NEIL1: variants seen among roughly 807,000 people sequenced by gnomAD.
The protein encoded by NEIL1 is nei like DNA glycosylase 1, also known as endonuclease 8-like 1.
In NEIL1, 31 loss-of-function variants were observed where a neutral mutation model predicts 44.2. The observed-to-expected ratio is 0.70, with a 90% CI of 0.53 to 0.95. The LOEUF is 0.95. Ranked by LOEUF, NEIL1 falls within the 40% of genes least tolerant of loss-of-function variation. NEIL1 has a pLI of 0.00. For synonymous variants in NEIL1, 254 were observed against 209.7 expected (o/e 1.21, Z -1.83); for missense variants, 549 against 515.5 (o/e 1.07, Z -0.63).
intron 4 of NEIL1, 57 bp downstream of exon 4, chr15:75,352,444 G>A (rs890750947): frequency 2.1e-5 from 34 of 1,601,850 alleles, no homozygotes; most frequent in African/African-American, 1.1e-4. Flanking sequence ...CACATGGGCC[G>A]GCAAGGAGAT....
Position 75,349,183 on chromosome 15 carries a change from T to G in NEIL1, c.278T>G (p.Leu93Arg). The G allele has an allele frequency of 6.2e-7, 1 of 1,609,062 alleles. No individual in the cohort carries two copies. The highest frequency in any genetic ancestry group is 8.5e-7 in the Non-Finnish European group (1 of 1,179,906). Residue 93 changes from leucine to arginine, a missense_variant, in exon 2 of 10, where the codon CTG (leucine) becomes CGG (arginine). Physicochemically the swap from Leu to Arg is moderately radical, Grantham distance 102. Transcript: ENST00000355059. ...GSFQLVPREE[L>R]PRHAHLRFYT... ...TTTCAGCTGGTGCCCCGCGAGGAGC[T>G]GCCACGCCATGCCCACCTGCGCTTT...
chr15:75,351,026 G>A (rs2071845035), intron 2 of NEIL1, among the ~76,000 whole-genome samples: 1 of 152,134 alleles, frequency 6.6e-6, no homozygotes, highest in Admixed American at 6.5e-5. Context: ...CCTTGGAGGT[G>A]GGGTGGGGGC....
chr15:75,355,634 C>T lies in NEIL1; in HGVS notation c.*600C>T. On this transcript the variant is annotated 3_prime_UTR_variant, in exon 10 of 10. Transcript: ENST00000355059. ...ACTGGCTTTTGGTGGCTCGAGGTCC[C>T]CAGTCTCTCCTGTGGGGGCTGCAAC... is the stretch of plus-strand genomic sequence containing the variant. The T allele has an allele frequency of 2.4e-6, 1 of 409,598 alleles. No individual in the cohort carries two copies. The highest frequency in any genetic ancestry group is 4.4e-6 in the Non-Finnish European group (1 of 225,130). The allele number at this position is 409,598 out of a possible 1,614,324, so 25.4% of individuals were successfully genotyped here.
In NEIL1 at chr15:75,356,267, C is replaced by T. The variant is rs199912352; in HGVS notation, c.*1233C>T. ...GGAGGGGCCGAGGGCAGGCCCAGTT[C>T]GGAACCCCGTCCCCAGCACGTCCCA... is the stretch of plus-strand genomic sequence containing the variant. On this transcript the variant is annotated 3_prime_UTR_variant, in exon 10 of 10. Transcript: ENST00000355059. This position sits in a 1 kb window ranked among gnomAD's most constrained non-coding sequence, Gnocchi z 5.8. 17 of 1,611,070 alleles carry T rather than the reference C, an allele frequency of 1.1e-5. No homozygotes were observed. Among genetic ancestry groups the T allele is most frequent in the Non-Finnish European group, 1.3e-5 (15 of 1,178,540 alleles).
rs553956083 is a variant in NEIL1, at chr15:75,356,310, G to A, written c.*1276G>A. 14 of 1,611,580 alleles carry A rather than the reference G, an allele frequency of 8.7e-6. No homozygotes were observed. Among genetic ancestry groups the A allele is most frequent in the Admixed American group, 3.4e-5 (2 of 59,682 alleles). ...ACGTCCCACCCCTTGCCTGCTTGACGGTCTCCAATACGACCGCGGGTGAAG... is the reference window on the plus strand; with the variant it reads ...ACGTCCCACCCCTTGCCTGCTTGACAGTCTCCAATACGACCGCGGGTGAAG... On this transcript the variant is annotated 3_prime_UTR_variant, in exon 10 of 10. Coordinates refer to ENST00000355059, the MANE Select transcript of NEIL1 (RefSeq NM_024608.4). The surrounding 1 kb of genome is among the most constrained non-coding windows in gnomAD (Gnocchi z 5.8).
Position 75,354,463 on chromosome 15 carries a change from A to G in NEIL1, c.907A>G (p.Thr303Ala). ...GTCCCGCAAAAAGAAATCCAAGGCC[A>G]CACAGCTGAGTCCTGAGGACAGAGT... ...RKSRKKKSKATQLSPEDRVED... is the reference protein window; with the variant it reads ...RKSRKKKSKAAQLSPEDRVED... Residue 303 changes from threonine (T) to alanine (A), a missense_variant, in exon 8 of 10, where the codon ACA becomes GCA. Coordinates refer to ENST00000355059, the MANE Select transcript of NEIL1 (RefSeq NM_024608.4). 1 of 1,614,204 alleles carries G rather than the reference A, an allele frequency of 6.2e-7. No individual in the cohort carries two copies. The highest frequency in any genetic ancestry group is 1.1e-5 in the South Asian group (1 of 91,090).
intron 2 of NEIL1, chr15:75,351,891 A>G (rs2071921662): frequency 6.1e-6 from 3 of 489,720 alleles, no homozygotes; most frequent in Non-Finnish European, 1.1e-5. Context: ...CAAAGTGCTG[A>G]GATTACAGGC....
At chr15:75,354,224 C>G (rs771629893) in intron 6 of NEIL1, 26 bp from the exon 7 acceptor site, 2 of 1,613,962 alleles carry the variant, frequency 1.2e-6, no homozygotes, top group Non-Finnish European at 1.7e-6. Flanking sequence ...CAGGCTGATT[C>G]CTGAATTATC....
At chr15:75,354,880 G>A in intron 9 of NEIL1, 62 bp downstream of exon 9, 1 of 1,612,544 alleles carries the variant, frequency 6.2e-7, no homozygotes, top group Admixed American at 1.7e-5. Context: ...TGGTGGCCTA[G>A]GAGCGCGTGT....
rs944532939 is a variant in NEIL1 at position 75,357,007 on chromosome 15, C to T, written c.*1973C>T. The stretch of plus-strand genomic sequence containing the variant: ...GCCGAGCACAAGCTCTAGAACCACA[C>T]AACTGAACTCCAGCTCCCACTGTAC... On this transcript the variant is annotated 3_prime_UTR_variant, in exon 10 of 10. Transcript: ENST00000355059. 1.7e-5 allele frequency: 15 copies of T among 885,072 alleles called. No homozygotes were observed. Among genetic ancestry groups the T allele is most frequent in the Non-Finnish European group, 2.7e-5 (15 of 557,938 alleles). 54.8% of individuals were successfully genotyped at this position (885,072 alleles called of 1,614,324 possible). A position where few individuals can be genotyped will look rare whatever the true frequency, so the allele number is the denominator to read the frequency against.
Position 75,355,586 on chromosome 15 carries a change from G to A in NEIL1, c.*552G>A. ...CTTTACCTGCTGGCACAGGGGAGGGGCTTCTCAACTCATGGTCTCTTCACT... is the reference window on the plus strand; with the variant it reads ...CTTTACCTGCTGGCACAGGGGAGGGACTTCTCAACTCATGGTCTCTTCACT... On this transcript the variant is annotated 3_prime_UTR_variant, in exon 10 of 10. Transcript: ENST00000355059. The A allele has an allele frequency of 3.4e-6, 1 of 297,698 alleles. No homozygotes were observed. Among genetic ancestry groups the A allele is most frequent in the Admixed American group, 4.9e-5 (1 of 20,378 alleles). 18.4% of individuals were successfully genotyped at this position (297,698 alleles called of 1,614,324 possible). A position where few individuals can be genotyped will look rare whatever the true frequency, so the allele number is the denominator to read the frequency against.
Position 75,356,966 on chromosome 15 carries a change from G to C in NEIL1, c.*1932G>C. On this transcript the variant is annotated 3_prime_UTR_variant, in exon 10 of 10. Coordinates refer to ENST00000355059, the MANE Select transcript of NEIL1 (RefSeq NM_024608.4). The surrounding 1 kb of genome is among the most constrained non-coding windows in gnomAD (Gnocchi z 5.8). ...CCCCTCTTTGTGCTCCCAGACTCCA[G>C]AGCTCCTGTCACTAGGCCGAGCACA... 7.4e-7 allele frequency: 1 copy of C among 1,352,932 alleles called. No homozygotes were observed. Among genetic ancestry groups the C allele is most frequent in the Non-Finnish European group, 1.1e-6 (1 of 949,892 alleles). The allele number at this position is 1,352,932 out of a possible 1,614,324, so 83.8% of individuals were successfully genotyped here.
In NEIL1 at chr15:75,349,356, G is replaced by T; in HGVS notation, c.434+17G>T. On this transcript the variant is annotated intron_variant, in intron 2 of 9. Transcript: ENST00000355059. ...GCAGTTCAGGTAGGGCCAGCACCAG[G>T]TGTGATGAACATAGTCGCGGGCTCC... The T allele has an allele frequency of 1.3e-6, 2 of 1,586,340 alleles. No individual in the cohort carries two copies.
chr15:75,353,597 C>T (rs1407552990), intron 5 of NEIL1, 142 bp from the exon 6 acceptor site: 9 of 905,728 alleles, frequency 9.9e-6, no homozygotes, highest in Non-Finnish European at 1.5e-5. Context: ...GCTGAGGTCA[C>T]ATCACCAGAG....
Position 75,352,141 on chromosome 15 carries a change from G to A in NEIL1, c.465G>A (p.Lys155=), listed in dbSNP as rs1279011542. ...ATGTGCTACGAAACCTAGCGGATAA[G>A]GCCTTTGACCGGCCCATCTGCGAGG... ...RENVLRNLAD[K]AFDRPICEAL... Residue 155 remains lysine (K), a synonymous_variant, in exon 3 of 10, where the codon AAG becomes AAA. Coordinates refer to ENST00000355059, the MANE Select transcript of NEIL1 (RefSeq NM_024608.4). The A allele has an allele frequency of 9.9e-6, 16 of 1,614,178 alleles. No homozygotes were observed. Among genetic ancestry groups the A allele is most frequent in the African/African-American group, 1.3e-5 (1 of 75,050 alleles).
Position 75,348,781 on chromosome 15 carries a change from C to T in NEIL1, c.-22-103C>T, listed in dbSNP as rs545542136. ...CTTTCCTGCCAGCCGCAGCTGGCCA[C>T]ATGCCCATCTGACCCTCCGAGTTCT... is the stretch of plus-strand genomic sequence containing the variant. On this transcript the variant is annotated intron_variant, in intron 1 of 9. Transcript: ENST00000355059. 1.7e-4 allele frequency: 246 copies of T among 1,489,350 alleles called. 1 individual carries two copies. In the African/African-American group the frequency reaches 3.0e-3, roughly 18 times the overall value. The allele number at this position is 1,489,350 out of a possible 1,614,324, so 92.3% of individuals were successfully genotyped here.
intron 2 of NEIL1, chr15:75,351,369 G>T (rs1317585124): frequency 4.9e-6 from 2 of 406,706 alleles, no homozygotes; most frequent in Admixed American, 3.1e-5. Flanking sequence ...TTAACCTCCA[G>T]GGCTCAGGTG....
intron 7 of NEIL1, 49 bp downstream of exon 7, chr15:75,354,326 G>A (rs759276037): frequency 9.9e-6 from 16 of 1,612,544 alleles, no homozygotes; most frequent in Admixed American, 1.7e-5. Flanking sequence ...AGGACTTCAC[G>A]CCTGCAAGGG....
intron 2 of NEIL1, among the ~76,000 whole-genome samples, chr15:75,351,059 C>A (rs1438735053): frequency 7.9e-5 from 12 of 152,232 alleles, no homozygotes; most frequent in African/African-American, 2.9e-4. Context: ...CACTGGTACT[C>A]CACATATCTC....
Sources: allele counts gnomAD v4.1 joint callset (sites outside exome capture counted in the v4.1 genomes callset), GRCh38; gene constraint gnomAD v4.1.1; non-coding constraint Gnocchi (gnomAD v3.1); transcripts MANE v1.5; gene names NCBI Gene and HGNC (gene_info 2026-07-23, HGNC 2026-07-21).